The following OGT variants were observed in gnomAD, a reference collection of about 807,000 sequenced individuals.
OGT encodes the protein UDP-N-acetylglucosamine--peptide N-acetylglucosaminyltransferase 110 kDa subunit.
A neutral mutation model predicts 75.8 loss-of-function variants in OGT; 3 were observed. The ratio of observed to expected loss-of-function variants is 0.04; its 90% CI spans 0.02 to 0.10. The LOEUF (loss-of-function observed/expected upper bound fraction) is 0.10, where lower values mean the gene tolerates loss of function less well. Ranked by LOEUF, OGT falls within the 10% of genes least tolerant of loss-of-function variation. The pLI, the probability that OGT is intolerant of heterozygous loss-of-function variation, is 1.00. For missense variants in OGT, 260 were observed against 824.4 expected, an observed-to-expected ratio of 0.32 and a Z score of 8.38; for synonymous variants, 257 against 289.7, an observed-to-expected ratio of 0.89 and a Z score of 1.15.
chrX:71,539,256 C>G (rs1417020535), intron 3 of OGT, among the ~76,000 whole-genome samples: 1 of 112,861 alleles, frequency 8.9e-6, no homozygotes, highest in Non-Finnish European at 1.9e-5. Flanking sequence ...GTAGTTTGTT[C>G]AAAGATCCGA....
rs2040386337 is a variant in OGT at position 71,561,766 on chromosome X, A to T, written c.1852-9A>T. 2 of 1,183,557 alleles carry T rather than the reference A, an allele frequency of 1.7e-6. No homozygotes were observed. Among genetic ancestry groups the T allele is most frequent in the Non-Finnish European group, 2.3e-6 (2 of 879,567 alleles). On this transcript the variant is annotated splice_polypyrimidine_tract_variant and intron_variant, in intron 14 of 21. Coordinates refer to ENST00000373719, the MANE Select transcript of OGT (RefSeq NM_181672.3). ...TATACATAGTGAGTTCTTATTTTGT[A>T]TTCTGTAGATTCCATGCAATGGAAA...
chrX:71,555,480 G>A (rs2040336485), intron 7 of OGT, 95 bp downstream of exon 7: 6 of 791,368 alleles, frequency 7.6e-6, no homozygotes, highest in African/African-American at 6.2e-5. Context: ...CCAGCACTTC[G>A]GGAGGCCGAG....
In OGT at chrX:71,563,257, A is replaced by G. The variant is rs755822738; in HGVS notation, c.2265+11A>G. On this transcript the variant is annotated intron_variant, in intron 17 of 21. Transcript: ENST00000373719. Reference sequence around the variant, plus strand: ...GTGAAAATTGTCAAGGTCAGAACCTAGTCAGTATTGTCATTGAAATAAAGT... The same window carrying G: ...GTGAAAATTGTCAAGGTCAGAACCTGGTCAGTATTGTCATTGAAATAAAGT... 1 of 1,198,115 alleles carries G rather than the reference A, an allele frequency of 8.3e-7. No homozygotes were observed. The highest frequency in any genetic ancestry group is 2.2e-5 in the Admixed American group (1 of 45,733).
intron 9 of OGT, 83 bp from the exon 10 acceptor site, chrX:71,556,869 T>C: frequency 9.2e-7 from 1 of 1,092,596 alleles, no homozygotes; most frequent in Non-Finnish European, 1.2e-6. Flanking sequence ...AAAATGGCTT[T>C]AAATAACAAC....
chrX:71,535,581 G>C (rs1227492292), intron 1 of OGT, among the ~76,000 whole-genome samples: 1 of 111,244 alleles, frequency 9.0e-6, no homozygotes, highest in Non-Finnish European at 1.9e-5. Flanking sequence ...TTTTCCCTTA[G>C]GCTCGTTTCT....
intron 5 of OGT, among the ~76,000 whole-genome samples, chrX:71,553,282 C>T (rs2040319742): frequency 2.7e-5 from 3 of 110,627 alleles, no homozygotes; most frequent in South Asian, 3.8e-4. Flanking sequence ...TTAGTAGAGA[C>T]GGGGTTTCGC....
chrX:71,570,032 CGTT>C (rs2040445024), intron 21 of OGT, among the ~76,000 whole-genome samples: 2 of 52,399 alleles, frequency 3.8e-5, no homozygotes, highest in Admixed American at 2.9e-4. Context: ...CTGTGCCTGG[CGTT>C]TTTTTTTTTT....
At chrX:71,556,310 ATCTGT>A in intron 8 of OGT, 1 of 409,534 alleles carries the variant, frequency 2.4e-6, no homozygotes, top group Non-Finnish European at 4.1e-6. Flanking sequence ...TGTGGATAAG[ATCTGT>A]ACAAAAAAAT....
chrX:71,557,697 T>C, intron 12 of OGT, 25 bp downstream of exon 12: 1 of 1,126,110 alleles, frequency 8.9e-7, no homozygotes, highest in Non-Finnish European at 1.2e-6. Flanking sequence ...TTTTAATCTT[T>C]TTGTTGTAAA....
At chrX:71,540,672 ATT>A (rs769056244) in intron 3 of OGT, among the ~76,000 whole-genome samples, 12 of 94,306 alleles carry the variant, frequency 1.3e-4, no homozygotes, top group Admixed American at 3.4e-4. Context: ...TTAGTCTGTC[ATT>A]TTTTTTTTTT....
intron 3 of OGT, among the ~76,000 whole-genome samples, chrX:71,540,184 C>T (rs746123320): frequency 8.9e-6 from 1 of 112,227 alleles, no homozygotes; most frequent in East Asian, 2.8e-4. Context: ...TGGGATTGTG[C>T]AAGTTCCCTT....
At chrX:71,570,994 G>A (rs2040454499) in intron 21 of OGT, among the ~76,000 whole-genome samples, 1 of 106,646 alleles carries the variant, frequency 9.4e-6, no homozygotes, top group Admixed American at 1.0e-4. Flanking sequence ...TGTGGAGACA[G>A]GGTCTCACCA....
rs1350864181 is a variant in OGT at position 71,551,716 on chromosome X, C to G, written c.649-2797C>G. 4.5e-5 allele frequency among the ~76,000 whole-genome samples: 5 copies of G among 112,041 alleles called. No individual in the cohort carries two copies. In the East Asian group the frequency reaches 1.4e-3, roughly 31 times the overall value. Reference sequence around the variant, plus strand: ...TTAAGTACCTTGTGGTAAACAATTTCACCAGTGAAGTAGTCTTGCACAAAG... The same window carrying G: ...TTAAGTACCTTGTGGTAAACAATTTGACCAGTGAAGTAGTCTTGCACAAAG... On this transcript the variant is annotated intron_variant, in intron 5 of 21. Coordinates refer to ENST00000373719, the MANE Select transcript of OGT (RefSeq NM_181672.3).
chrX:71,563,575 G>A, intron 18 of OGT, 76 bp downstream of exon 18: 1 of 808,071 alleles, frequency 1.2e-6, no homozygotes, highest in South Asian at 3.1e-5. Context: ...GATAACTCTA[G>A]GAGGCAAGTA....
chrX:71,563,300 T>C, intron 17 of OGT, 29 bp from the exon 18 acceptor site: 1 of 1,204,659 alleles, frequency 8.3e-7, no homozygotes, highest in African/African-American at 1.7e-5. Context: ...ATTCACGATC[T>C]TTTCCCTAAT....
intron 18 of OGT, 25 bp downstream of exon 18, chrX:71,563,524 A>G (rs1569429730): frequency 1.8e-6 from 2 of 1,113,456 alleles, no homozygotes; most frequent in Non-Finnish European, 2.4e-6. Context: ...ATACACCATT[A>G]TATGTCCCGC....
At chrX:71,549,114 G>A (rs946572736) in intron 5 of OGT, among the ~76,000 whole-genome samples, 1 of 107,306 alleles carries the variant, frequency 9.3e-6, no homozygotes, top group Non-Finnish European at 1.9e-5. Context: ...AAACCAGCCT[G>A]GACAACATAA....
At position 71,568,041 on chromosome X, in the gene OGT, G is replaced by A; in HGVS notation, c.2891G>A (p.Gly964Asp). Residue 964 changes from glycine (G) to aspartate (D), a missense_variant, in exon 21 of 22, where the codon GGT (glycine) becomes GAT (aspartate). By Grantham distance (94) the Gly-to-Asp change is moderately conservative (BLOSUM62 -1). Around this residue, in one of 6 missense-constraint regions of OGT, gnomAD observed 9 missense variants for 52.2 expected, o/e 0.17. Transcript: ENST00000373719. ...RVAASQLTCL[G>D]CLELIAKNRQ... ...GCAGCATCCCAGCTCACTTGCTTAG[G>A]TTGTCTTGAGCTTATTGCTAAAAAC... The A allele has an allele frequency of 8.3e-7, 1 of 1,209,595 alleles. No homozygotes were observed. Among genetic ancestry groups the A allele is most frequent in the Non-Finnish European group, 1.1e-6 (1 of 893,650 alleles).
rs755067143 is a variant in OGT at position 71,557,117 on chromosome X, T to G, written c.1320+12T>G. 2.4e-5 allele frequency: 29 copies of G among 1,205,519 alleles called. No homozygotes were observed. The Admixed American group carries it at 6.4e-4, about 26-fold the overall frequency. On this transcript the variant is annotated intron_variant, in intron 10 of 21. Coordinates refer to ENST00000373719, the MANE Select transcript of OGT (RefSeq NM_181672.3). ...CTTCCATTCATAAGGTACTACTGTT[T>G]ATTATAATATGTGCAGTTTAACACC...
Sources: allele counts gnomAD v4.1 joint callset (sites outside exome capture counted in the v4.1 genomes callset), GRCh38; gene constraint gnomAD v4.1.1; regional missense constraint gnomAD v4.1.1; transcripts MANE v1.5; gene names NCBI Gene and HGNC (gene_info 2026-07-23, HGNC 2026-07-21).